NTN1: variants seen among roughly 807,000 people sequenced by gnomAD.
NTN1 encodes netrin 1, also known as netrin-1.
NTN1 carries 11 observed loss-of-function variants against 54.2 expected under a neutral mutation model. That is an observed-to-expected ratio of 0.20 (90% CI 0.13 to 0.34). NTN1 has a LOEUF of 0.34. Ranked by LOEUF, NTN1 falls within the 10% of genes least tolerant of loss-of-function variation. NTN1 has a pLI of 1.00. For missense variants in NTN1, 740 were observed against 893.1 expected, an observed-to-expected ratio of 0.83 and a Z score of 2.18; for synonymous variants, 371 against 382.0, an observed-to-expected ratio of 0.97 and a Z score of 0.33.
chr17:9,072,480 G>T (rs1357612664), intron 2 of NTN1, among the ~76,000 whole-genome samples: 1 of 152,100 alleles, frequency 6.6e-6, no homozygotes, highest in East Asian at 1.9e-4. Context: ...TGCCCAAAAA[G>T]CTTTGAGAGG....
chr17:9,046,164 T>C (rs946556067), intron 2 of NTN1, among the ~76,000 whole-genome samples: 7 of 152,208 alleles, frequency 4.6e-5, no homozygotes, highest in Admixed American at 3.9e-4. Context: ...GTGTAGAATG[T>C]GTAAGGAATA....
intron 2 of NTN1, among the ~76,000 whole-genome samples, chr17:9,069,983 C>T (rs28367224): frequency 0.049 from 7,509 of 152,152 alleles, 498 homozygotes; most frequent in African/African-American, 0.15. Flanking sequence ...AAAGGGTGAG[C>T]TAGTCTGGTA....
At position 9,243,799 on chromosome 17, in the gene NTN1, C is replaced by T. The variant is rs559050496; in HGVS notation, c.*3831C>T. 6.7e-6 allele frequency: 1 copy of T among 148,942 alleles called. No individual in the cohort carries two copies. The highest frequency in any genetic ancestry group is 2.0e-4 in the East Asian group (1 of 5,024). 9.2% of individuals were successfully genotyped at this position (148,942 alleles called of 1,614,324 possible). ...TATTGTTTGGGTCAATGTCCCTTTC[C>T]AATGCATACTAATATATTATGGTTA... On this transcript the variant is annotated 3_prime_UTR_variant, in exon 7 of 7. Transcript: ENST00000173229.
At chr17:9,145,586 C>T (rs1167726121) in intron 2 of NTN1, among the ~76,000 whole-genome samples, 1 of 152,168 alleles carries the variant, frequency 6.6e-6, no homozygotes, top group African/African-American at 2.4e-5. Flanking sequence ...ACATTATTTT[C>T]TGGCTTCCTT....
chr17:9,209,829 C>T (rs754717521), intron 5 of NTN1, among the ~76,000 whole-genome samples: 8 of 152,178 alleles, frequency 5.3e-5, no homozygotes, highest in Non-Finnish European at 8.8e-5. Context: ...AGCAGAATGA[C>T]AGTCTAGGCT....
intron 5 of NTN1, among the ~76,000 whole-genome samples, chr17:9,206,825 G>A (rs1161434310): frequency 6.6e-6 from 1 of 152,250 alleles, no homozygotes; most frequent in Admixed American, 6.5e-5. Context: ...CCTCCCTGGA[G>A]AGGGAAGATT....
At chr17:9,172,494 C>T (rs1410285027) in intron 3 of NTN1, among the ~76,000 whole-genome samples, 2 of 151,576 alleles carry the variant, frequency 1.3e-5, no homozygotes, top group Admixed American at 6.6e-5. Flanking sequence ...AAGAGAAGCT[C>T]CTTCTGTAAG....
In NTN1 at chr17:9,197,189, G is replaced by A. The variant is rs559271662; in HGVS notation, c.1411+14220G>A. ...TCGGGCCTGCACATCTGACAGATGG[G>A]GAGACTGAGGCCCAGAGGAGGACAG... On this transcript the variant is annotated intron_variant, in intron 5 of 6. Transcript: ENST00000173229. 2.3e-4 allele frequency among the ~76,000 whole-genome samples: 35 copies of A among 152,234 alleles called. 1 individual carries two copies. The South Asian group carries it at 6.6e-3, about 29-fold the overall frequency.
chr17:9,048,677 G>A (rs1188129520), intron 2 of NTN1, among the ~76,000 whole-genome samples: 3 of 150,292 alleles, frequency 2.0e-5, no homozygotes, highest in African/African-American at 7.4e-5. Context: ...TTTTTTTTGA[G>A]ACAGAGTCTT....
chr17:9,009,917 T>G, the NTN1 span, among the ~76,000 whole-genome samples: 3 of 152,168 alleles, frequency 2.0e-5, no homozygotes, highest in Non-Finnish European at 2.9e-5. Context: ...TTGCTCAACC[T>G]CCCTGACGTC....
the NTN1 span, among the ~76,000 whole-genome samples, chr17:9,016,401 C>T: frequency 6.6e-6 from 1 of 152,172 alleles, no homozygotes; most frequent in African/African-American, 2.4e-5. Flanking sequence ...AGCTGTTCCA[C>T]CTCTGGAATC....
rs914628988 is a variant in NTN1, at chr17:9,227,855, C to T, written c.1486+6613C>T. On this transcript the variant is annotated intron_variant, in intron 6 of 6. Transcript: ENST00000173229. ...TACCACACGCATTATCGCACACATG[C>T]ACACCCCATCACACACCCCATCACA... Among the ~76,000 whole-genome samples the T allele has an allele frequency of 1.9e-4, 29 of 150,670 alleles. 1 individual carries two copies. The highest frequency in any genetic ancestry group is 5.8e-4 in the African/African-American group (24 of 41,092).
Position 9,044,941 on chromosome 17 carries a change from A to T in NTN1, c.1018+21550A>T, listed in dbSNP as rs116146136. ...GTACATTATACACAAAGCTAGGTTA[A>T]TTTGTACAGATACAGGAAAAAAATG... On this transcript the variant is annotated intron_variant, in intron 2 of 6. Coordinates refer to ENST00000173229, the MANE Select transcript of NTN1 (RefSeq NM_004822.3). Among the ~76,000 whole-genome samples, 1,519 of 152,316 alleles carry T rather than the reference A, an allele frequency of 1.0e-2. 26 individuals are homozygous for T. Among genetic ancestry groups the T allele is most frequent in the African/African-American group, 0.032 (1,339 of 41,564 alleles).
chr17:9,018,877 T>G (rs191002907), upstream of NTN1, among the ~76,000 whole-genome samples: 46 of 152,318 alleles, frequency 3.0e-4, no homozygotes, highest in Non-Finnish European at 6.0e-4. Flanking sequence ...GTGACTGTTT[T>G]GGGGATGTTG....
chr17:9,095,967 T>C (rs1324924559), intron 2 of NTN1, among the ~76,000 whole-genome samples: 2 of 152,074 alleles, frequency 1.3e-5, no homozygotes, highest in Non-Finnish European at 2.9e-5. Context: ...ACCTGATTTT[T>C]GTATTTTTTA....
At chr17:9,080,394 AGGTGGAT>A (rs1461768426) in intron 2 of NTN1, among the ~76,000 whole-genome samples, 1 of 152,234 alleles carries the variant, frequency 6.6e-6, no homozygotes, top group Non-Finnish European at 1.5e-5. Context: ...TAGAGTTAAG[AGGTGGAT>A]GGTTCCAGTT....
intron 3 of NTN1, among the ~76,000 whole-genome samples, chr17:9,166,308 T>C (rs904318038): frequency 6.6e-6 from 1 of 151,690 alleles, no homozygotes; most frequent in Non-Finnish European, 1.5e-5. Flanking sequence ...CTTCTGAAAT[T>C]TTGTAGATGT....
intron 2 of NTN1, among the ~76,000 whole-genome samples, chr17:9,121,583 C>G (rs545108739): frequency 6.6e-6 from 1 of 152,162 alleles, no homozygotes; most frequent in African/African-American, 2.4e-5. Context: ...GCAGAGGCCC[C>G]GCTGCCTCTC....
In NTN1 at chr17:9,241,538, C is replaced by G. The variant is rs1906214593; in HGVS notation, c.*1570C>G. ...CGCACTGAATTAAGAGGCCTGGCTC[C>G]CCTCACAGTCAGGAAATTGGTTTCA... On this transcript the variant is annotated 3_prime_UTR_variant, in exon 7 of 7. Transcript: ENST00000173229. The G allele has an allele frequency of 1.3e-5, 2 of 152,452 alleles. No individual in the cohort carries two copies. Among genetic ancestry groups the G allele is most frequent in the Admixed American group, 1.3e-4 (2 of 15,290 alleles). The allele number at this position is 152,452 out of a possible 1,614,324, so 9.4% of individuals were successfully genotyped here.
Sources: allele counts gnomAD v4.1 joint callset (sites outside exome capture counted in the v4.1 genomes callset), GRCh38; gene constraint gnomAD v4.1.1; transcripts MANE v1.5; gene names NCBI Gene and HGNC (gene_info 2026-07-23, HGNC 2026-07-21).